The following TAFA4 variants were observed in gnomAD, a reference collection of about 807,000 sequenced individuals.
TAFA4 encodes the protein TAFA chemokine like family member 4.
TAFA4 carries 20 observed loss-of-function variants against 21.1 expected under a neutral mutation model. The observed-to-expected ratio is 0.95, with a 90% CI of 0.67 to 1.38. The LOEUF (loss-of-function observed/expected upper bound fraction) is 1.38, where lower values mean the gene tolerates loss of function less well. Ranked by LOEUF, TAFA4 falls within the 40% of genes most tolerant of loss-of-function variation. The pLI, the probability that TAFA4 is intolerant of heterozygous loss-of-function variation, is 0.00. For missense variants in TAFA4, 211 were observed against 180.9 expected (o/e 1.17, Z -0.95); for synonymous variants, 71 against 67.4 (o/e 1.05, Z -0.26).
At chr3:68,783,669 C>CAGAGAGAGAGAGAG (rs1413204711) in intron 3 of TAFA4, among the ~76,000 whole-genome samples, 1 of 106,564 alleles carries the variant, frequency 9.4e-6, no homozygotes, top group African/African-American at 3.9e-5. Context: ...CAGACACACA[C>CAGAGAGAGAGAGAG]ACACAGAGAG....
intron 3 of TAFA4, among the ~76,000 whole-genome samples, chr3:68,771,396 G>T (rs1235868062): frequency 6.6e-6 from 1 of 152,190 alleles, no homozygotes. Context: ...CCATGGGACT[G>T]GAGCCCAAAA....
intron 3 of TAFA4, among the ~76,000 whole-genome samples, chr3:68,785,395 C>CAGGAGCCCACAG (rs1255694914): frequency 2.0e-5 from 3 of 152,224 alleles, no homozygotes; most frequent in African/African-American, 7.2e-5. Flanking sequence ...TCAGGCTGCA[C>CAGGAGCCCACAG]AGGAGCCCAC....
intron 3 of TAFA4, among the ~76,000 whole-genome samples, chr3:68,795,939 C>A (rs1326129788): frequency 2.0e-5 from 3 of 152,232 alleles, no homozygotes; most frequent in African/African-American, 7.2e-5. Flanking sequence ...CCCAGTAACA[C>A]CGTGATTCTT....
chr3:68,750,528 C>G (rs1702541368), intron 4 of TAFA4, among the ~76,000 whole-genome samples: 2 of 152,134 alleles, frequency 1.3e-5, no homozygotes, highest in South Asian at 4.1e-4. Context: ...AAACCTATCT[C>G]CAAATACACA....
chr3:68,799,358 G>T (rs1293457320), intron 3 of TAFA4, among the ~76,000 whole-genome samples: 3 of 152,232 alleles, frequency 2.0e-5, no homozygotes, highest in African/African-American at 7.2e-5. Context: ...GACTAGCTCT[G>T]CAGTCCCTTT....
chr3:68,872,617 T>C lies in TAFA4; in HGVS notation c.130+8113A>G, dbSNP rs2106939006. Reference sequence around the variant, plus strand: ...GTGATCGATGTTGCAACTGTCCTGGTTTGATCATTACACATTGTATATATG... The same window carrying C: ...GTGATCGATGTTGCAACTGTCCTGGCTTGATCATTACACATTGTATATATG... On this transcript the variant is annotated intron_variant, in intron 3 of 5. Transcript: ENST00000295569. Among the ~76,000 whole-genome samples the C allele has an allele frequency of 1.3e-5, 2 of 152,234 alleles. 1 individual carries two copies. The highest frequency in any genetic ancestry group is 1.3e-4 in the Admixed American group (2 of 15,278).
At chr3:68,758,488 G>A (rs1307345492) in intron 3 of TAFA4, among the ~76,000 whole-genome samples, 1 of 152,198 alleles carries the variant, frequency 6.6e-6, no homozygotes, top group Non-Finnish European at 1.5e-5. Context: ...CTTGCCTGCT[G>A]CCACGTTAAG....
rs1383689021 is a variant in TAFA4, at chr3:68,880,852, G to C, written c.15-7C>G. ...CTTAGCACAGACTCTCATCCTGGAGGAAAAGCAGGGCTGGAGTCAGTGAGG... is the reference window on the plus strand; with the variant it reads ...CTTAGCACAGACTCTCATCCTGGAGCAAAAGCAGGGCTGGAGTCAGTGAGG... On this transcript the variant is annotated splice_polypyrimidine_tract_variant and splice_region_variant and intron_variant, in intron 2 of 5. Transcript: ENST00000295569. 1.9e-6 allele frequency: 3 copies of C among 1,611,588 alleles called. No homozygotes were observed. The highest frequency in any genetic ancestry group is 2.5e-6 in the Non-Finnish European group (3 of 1,178,692).
chr3:68,835,533 C>T (rs558682000), intron 3 of TAFA4, among the ~76,000 whole-genome samples: 28 of 152,268 alleles, frequency 1.8e-4, no homozygotes, highest in Middle Eastern at 3.4e-3. Context: ...AAATAAACCC[C>T]AAAATTGTAA....
intron 3 of TAFA4, among the ~76,000 whole-genome samples, chr3:68,816,941 G>C (rs1703993072): frequency 1.3e-5 from 2 of 152,120 alleles, no homozygotes; most frequent in South Asian, 4.1e-4. Context: ...GTCTTGCCTT[G>C]ATATTGGTGG....
At chr3:68,898,548 A>G (rs1026580141) in intron 1 of TAFA4, among the ~76,000 whole-genome samples, 4 of 152,230 alleles carry the variant, frequency 2.6e-5, no homozygotes, top group African/African-American at 9.6e-5. Flanking sequence ...AGGGAAGCCA[A>G]GGCAGGAGAA....
In TAFA4 at chr3:68,803,797, C is replaced by CTTTTTTTTTTT. The variant is rs386396961; in HGVS notation, c.131-50790_131-50780dup. ...TTTAAGGGTCTCTACATCTCTGATTCTTTTTTTTTTTTTTTTTTTTTTTGT... is the reference window on the plus strand; with the variant it reads ...TTTAAGGGTCTCTACATCTCTGATTCTTTTTTTTTTTTTTTTTTTTTTTTTTTTTTTTTTGT... On this transcript the variant is annotated intron_variant, in intron 3 of 5. Transcript: ENST00000295569. Among the ~76,000 whole-genome samples, 133 of 81,608 alleles carry CTTTTTTTTTTT rather than the reference C, an allele frequency of 1.6e-3. 10 individuals carry two copies. The highest frequency in any genetic ancestry group is 4.6e-3 in the East Asian group (10 of 2,170). 53.5% of individuals were successfully genotyped at this position (81,608 alleles called of 152,430 possible).
chr3:68,903,904 C>A (rs2089870298), intron 1 of TAFA4, among the ~76,000 whole-genome samples: 1 of 152,146 alleles, frequency 6.6e-6, no homozygotes, highest in Non-Finnish European at 1.5e-5. Context: ...GCTGCCTCCT[C>A]CCTCTTTCCT....
chr3:68,790,619 G>T (rs1238254613), intron 3 of TAFA4, among the ~76,000 whole-genome samples: 1 of 152,154 alleles, frequency 6.6e-6, no homozygotes, highest in Non-Finnish European at 1.5e-5. Flanking sequence ...ATATTCATAT[G>T]GATATGAGAA....
chr3:68,803,474 AT>A, intron 3 of TAFA4, among the ~76,000 whole-genome samples: 1 of 152,210 alleles, frequency 6.6e-6, no homozygotes, highest in East Asian at 1.9e-4. Flanking sequence ...AAGGGACATG[AT>A]GAAAGCCATG....
intron 3 of TAFA4, among the ~76,000 whole-genome samples, chr3:68,828,809 C>T (rs1338908864): frequency 1.3e-5 from 2 of 152,112 alleles, no homozygotes; most frequent in Admixed American, 6.5e-5. Context: ...AATATACAAT[C>T]GTGTCATGTG....
intron 1 of TAFA4, among the ~76,000 whole-genome samples, chr3:68,900,127 A>C (rs2089829677): frequency 6.7e-6 from 1 of 150,146 alleles, no homozygotes; most frequent in Non-Finnish European, 1.5e-5. Flanking sequence ...TGGTGATCCC[A>C]GGTACTGGGG....
chr3:68,852,075 C>G (rs937670327), intron 3 of TAFA4, among the ~76,000 whole-genome samples: 5 of 152,114 alleles, frequency 3.3e-5, no homozygotes, highest in African/African-American at 4.8e-5. Flanking sequence ...TTAACAGTCC[C>G]TACCTGAAGT....
chr3:68,778,549 G>T (rs34006637), intron 3 of TAFA4, among the ~76,000 whole-genome samples: 5,345 of 152,218 alleles, frequency 0.035, 299 homozygotes, highest in East Asian at 0.25. Flanking sequence ...GAATCATGGG[G>T]GTATGTCTTT....
Sources: allele counts gnomAD v4.1 joint callset (sites outside exome capture counted in the v4.1 genomes callset), GRCh38; gene constraint gnomAD v4.1.1; transcripts MANE v1.5; gene names NCBI Gene and HGNC (gene_info 2026-07-23, HGNC 2026-07-21).